Variants in RUNDC3B observed in about 807,000 individuals in gnomAD.
RUNDC3B encodes the protein RUN domain containing 3B.
Under a neutral mutation model 58.4 loss-of-function variants are expected in RUNDC3B, and 33 were observed. That is an observed-to-expected ratio of 0.56 (90% CI 0.43 to 0.75). The LOEUF (loss-of-function observed/expected upper bound fraction) is 0.75, where lower values mean the gene tolerates loss of function less well. Ranked by LOEUF, RUNDC3B falls within the 30% of genes least tolerant of loss-of-function variation. RUNDC3B has a pLI of 0.00. For missense variants in RUNDC3B, 501 were observed against 535.7 expected, an observed-to-expected ratio of 0.94 and a Z score of 0.64; for synonymous variants, 193 against 195.2, an observed-to-expected ratio of 0.99 and a Z score of 0.10.
intron 10 of RUNDC3B, among the ~76,000 whole-genome samples, chr7:87,823,787 T>TAC (rs1167695726): frequency 1.4e-5 from 2 of 147,568 alleles, no homozygotes; most frequent in African/African-American, 5.1e-5. Context: ...CCATTTCATA[T>TAC]ATATACACAC....
chr7:87,648,174 G>A (rs1464339745), intron 1 of RUNDC3B, among the ~76,000 whole-genome samples: 1 of 137,802 alleles, frequency 7.3e-6, no homozygotes, highest in Non-Finnish European at 1.5e-5. Context: ...GACAGAGCGA[G>A]ACTCTGTCTC....
intron 4 of RUNDC3B, among the ~76,000 whole-genome samples, chr7:87,715,341 TATA>T (rs1015803567): frequency 5.0e-5 from 6 of 118,892 alleles, no homozygotes; most frequent in Non-Finnish European, 8.2e-5. Context: ...ATAATTAATT[TATA>T]ATAATTATAT....
At chr7:87,760,117 A>G (rs1833595744) in intron 6 of RUNDC3B, among the ~76,000 whole-genome samples, 1 of 150,532 alleles carries the variant, frequency 6.6e-6, no homozygotes, top group African/African-American at 2.4e-5. Flanking sequence ...ACACTTACTG[A>G]TTCATAACAT....
chr7:87,679,840 A>G (rs1406479072), intron 2 of RUNDC3B, among the ~76,000 whole-genome samples: 1 of 150,808 alleles, frequency 6.6e-6, no homozygotes, highest in African/African-American at 2.5e-5. Context: ...CATATAAAGT[A>G]TGTTCTCTGT....
chr7:87,781,880 T>A (rs528323917), intron 8 of RUNDC3B, among the ~76,000 whole-genome samples: 2 of 152,202 alleles, frequency 1.3e-5, no homozygotes, highest in South Asian at 4.1e-4. Flanking sequence ...CTAGATTTAG[T>A]TTGGTAGTAT....
At chr7:87,702,097 C>G (rs1046186651) in intron 3 of RUNDC3B, among the ~76,000 whole-genome samples, 11 of 130,858 alleles carry the variant, frequency 8.4e-5, no homozygotes, top group Admixed American at 3.4e-4. Context: ...GAGCAGAGAT[C>G]GCGCCACTGC....
At chr7:87,641,338 C>CTA (rs1822433229) in intron 1 of RUNDC3B, among the ~76,000 whole-genome samples, 2 of 152,276 alleles carry the variant, frequency 1.3e-5, no homozygotes, top group Non-Finnish European at 1.5e-5. Flanking sequence ...CTTTGCTTTA[C>CTA]TAGTGTTCAT....
intron 4 of RUNDC3B, among the ~76,000 whole-genome samples, chr7:87,726,592 T>C (rs1268588226): frequency 2.0e-5 from 3 of 152,174 alleles, no homozygotes; most frequent in African/African-American, 7.2e-5. Flanking sequence ...TTTGATTCCA[T>C]ATGAACTTTA....
intron 1 of RUNDC3B, among the ~76,000 whole-genome samples, chr7:87,640,581 G>A (rs1822340295): frequency 6.6e-6 from 1 of 152,120 alleles, no homozygotes; most frequent in African/African-American, 2.4e-5. Context: ...CTGGCCTCAG[G>A]CATTCCTCCT....
At chr7:87,770,875 T>A in intron 7 of RUNDC3B, 126 bp downstream of exon 7, 1 of 640,492 alleles carries the variant, frequency 1.6e-6, no homozygotes, top group Non-Finnish European at 2.6e-6. Flanking sequence ...TGTTTTTGAA[T>A]TGTCCTCCTC....
chr7:87,799,111 T>A (rs189926351), intron 8 of RUNDC3B, among the ~76,000 whole-genome samples: 114 of 152,360 alleles, frequency 7.5e-4, no homozygotes, highest in African/African-American at 2.7e-3. Context: ...ATTACTCCTC[T>A]TGGTATTAAA....
intron 2 of RUNDC3B, among the ~76,000 whole-genome samples, chr7:87,680,966 A>G (rs1293324332): frequency 1.3e-5 from 2 of 150,598 alleles, no homozygotes; most frequent in African/African-American, 4.9e-5. Flanking sequence ...CATTAATAAA[A>G]TTCATAAACT....
At chr7:87,754,116 C>A (rs1009359370) in intron 6 of RUNDC3B, among the ~76,000 whole-genome samples, 1 of 152,150 alleles carries the variant, frequency 6.6e-6, no homozygotes, top group Non-Finnish European at 1.5e-5. Flanking sequence ...GAACTTTCCA[C>A]CTCCAAATAA....
intron 6 of RUNDC3B, among the ~76,000 whole-genome samples, chr7:87,749,483 T>G (rs1260426358): frequency 6.6e-6 from 1 of 152,216 alleles, no homozygotes; most frequent in Non-Finnish European, 1.5e-5. Flanking sequence ...TTCAACCTAG[T>G]CATAAGCCAG....
chr7:87,780,324 G>A (rs1834857287), intron 8 of RUNDC3B, among the ~76,000 whole-genome samples: 1 of 151,846 alleles, frequency 6.6e-6, no homozygotes, highest in African/African-American at 2.4e-5. Flanking sequence ...CCATCTGACT[G>A]GTGTCAGAAT....
At chr7:87,732,401 C>T (rs1428881741) in intron 4 of RUNDC3B, among the ~76,000 whole-genome samples, 2 of 151,956 alleles carry the variant, frequency 1.3e-5, no homozygotes, top group African/African-American at 4.8e-5. Flanking sequence ...AATAATAAAA[C>T]CTGAAAAGAG....
intron 1 of RUNDC3B, among the ~76,000 whole-genome samples, chr7:87,639,332 ATATAT>A (rs1311655967): frequency 8.5e-5 from 13 of 152,220 alleles, no homozygotes; most frequent in Non-Finnish European, 1.8e-4. Flanking sequence ...TAATTTCAAC[ATATAT>A]TTAATATGCA....
At chr7:87,706,167 T>G (rs1033325611) in intron 3 of RUNDC3B, among the ~76,000 whole-genome samples, 1 of 152,202 alleles carries the variant, frequency 6.6e-6, no homozygotes, top group Non-Finnish European at 1.5e-5. Context: ...CATGCATCTT[T>G]CCATCCAATA....
At chr7:87,640,533 T>C (rs867012345) in intron 1 of RUNDC3B, among the ~76,000 whole-genome samples, 2 of 152,008 alleles carry the variant, frequency 1.3e-5, no homozygotes, top group Non-Finnish European at 2.9e-5. Context: ...TTTGTAGATA[T>C]AGGATCTGGC....
Sources: gnomAD v4.1 joint callset for allele counts (sites outside exome capture counted in the v4.1 genomes callset) on GRCh38, gnomAD v4.1.1 for gene constraint, MANE v1.5 for transcripts, NCBI Gene and HGNC (gene_info 2026-07-23, HGNC 2026-07-21) for gene names.